The following GALNT2 variants were observed in gnomAD, a reference collection of about 807,000 sequenced individuals.
GALNT2 encodes the protein UDP-GalNAc:polypeptide N-acetylgalactosaminyltransferase 2.
A neutral mutation model predicts 81.4 loss-of-function variants in GALNT2; 31 were observed. That is an observed-to-expected ratio of 0.38 (90% confidence interval 0.29 to 0.51). The LOEUF is 0.51. GALNT2 is among the 20% of genes least tolerant of loss of function. GALNT2 has a pLI of 0.87. For synonymous variants in GALNT2, 303 were observed against 287.4 expected (o/e 1.05, Z -0.55); for missense variants, 629 against 765.7 (o/e 0.82, Z 2.11).
rs1270941733 is a variant in GALNT2, at chr1:230,246,067, G to A, written c.734G>A (p.Arg245Lys). 6.2e-7 allele frequency: 1 copy of A among 1,613,268 alleles called. No individual in the cohort carries two copies. Among genetic ancestry groups the A allele is most frequent in the Non-Finnish European group, 8.5e-7 (1 of 1,179,244 alleles). ...ACTCCTCTCTTTGTATTTTAGGACA[G>A]GACTCGGGTTGTGTCACCCATCATC... ...EPLLERVAED[R>K]TRVVSPIIDV... Residue 245 changes from arginine (R) to lysine (K), a missense_variant, in exon 8 of 16, where the codon AGG becomes AAG. This residue lies in a region of GALNT2 where 360 missense variants were observed against 492.8 expected (regional missense o/e 0.73). Transcript: ENST00000366672.
At chr1:230,258,418 T>C (rs1665781118) in intron 11 of GALNT2, among the ~76,000 whole-genome samples, 1 of 151,236 alleles carries the variant, frequency 6.6e-6, no homozygotes, top group Non-Finnish European at 1.5e-5. Context: ...TAGTAGTACA[T>C]TTCTCCATGT....
intron 2 of GALNT2, among the ~76,000 whole-genome samples, chr1:230,201,381 C>T (rs995691458): frequency 2.0e-5 from 3 of 152,116 alleles, no homozygotes; most frequent in African/African-American, 7.2e-5. Flanking sequence ...GTTCTGACCT[C>T]GCAGGACCAT....
chr1:230,240,584 T>A (rs1480498362), intron 6 of GALNT2, among the ~76,000 whole-genome samples: 1 of 152,106 alleles, frequency 6.6e-6, no homozygotes, highest in Non-Finnish European at 1.5e-5. Context: ...AGGGTGAGAC[T>A]CTGTCTCAGA....
intron 1 of GALNT2, among the ~76,000 whole-genome samples, chr1:230,119,520 G>A (rs1052128705): frequency 1.3e-5 from 2 of 152,184 alleles, no homozygotes; most frequent in African/African-American, 4.8e-5. Flanking sequence ...CTGTGGTGGA[G>A]GCAACCATTG....
At chr1:230,263,728 C>G (rs895769993) in intron 13 of GALNT2, 3 of 152,300 alleles carry the variant, frequency 2.0e-5, no homozygotes, top group Non-Finnish European at 4.4e-5. Context: ...GACTGTCAGG[C>G]AGGTCGTGCC....
intron 2 of GALNT2, among the ~76,000 whole-genome samples, chr1:230,196,799 T>TG: frequency 6.6e-6 from 1 of 152,216 alleles, no homozygotes; most frequent in South Asian, 2.1e-4. Context: ...CTCTGGGTGA[T>TG]GCAGAGAGCA....
intron 14 of GALNT2, chr1:230,268,604 G>A (rs904584034): frequency 2.0e-5 from 3 of 152,300 alleles, no homozygotes; most frequent in African/African-American, 7.2e-5. Flanking sequence ...CATCCCCTGT[G>A]CGTCAGGCTC....
At chr1:230,112,242 G>A (rs1660724709) in intron 1 of GALNT2, among the ~76,000 whole-genome samples, 1 of 152,186 alleles carries the variant, frequency 6.6e-6, no homozygotes, top group South Asian at 2.1e-4. Flanking sequence ...CCTAGCATAG[G>A]CTGAGCCTGC....
intron 1 of GALNT2, among the ~76,000 whole-genome samples, chr1:230,131,202 A>G (rs112014194): frequency 1.3e-5 from 2 of 152,146 alleles, no homozygotes; most frequent in African/African-American, 4.8e-5. Flanking sequence ...CCACCAAATA[A>G]TAAATGCTGT....
chr1:230,111,739 C>T (rs1046623499), intron 1 of GALNT2, among the ~76,000 whole-genome samples: 3 of 152,096 alleles, frequency 2.0e-5, no homozygotes, highest in Admixed American at 6.6e-5. Context: ...CTGGTTCACT[C>T]GGGAAATTTT....
chr1:230,171,222 C>T (rs553205868), intron 1 of GALNT2, among the ~76,000 whole-genome samples: 22 of 152,234 alleles, frequency 1.4e-4, no homozygotes, highest in South Asian at 4.2e-4. Flanking sequence ...TGGTCTTTAG[C>T]GGGAAACTAA....
intron 3 of GALNT2, among the ~76,000 whole-genome samples, chr1:230,206,354 T>G (rs1388452032): frequency 6.6e-6 from 1 of 152,064 alleles, no homozygotes; most frequent in Non-Finnish European, 1.5e-5. Flanking sequence ...TGGGATGCAT[T>G]TTAGGTGGGT....
chr1:230,250,526 C>T lies in GALNT2; in HGVS notation c.975C>T (p.Asp325=). Residue 325 remains aspartate (D), a synonymous_variant, in exon 10 of 16, where the codon GAC becomes GAT. Coordinates refer to ENST00000366672, the MANE Select transcript of GALNT2 (RefSeq NM_004481.5). ...KFYFEELGKY[D]MMMDVWGGEN... ...ATTTTGAAGAACTGGGGAAGTACGA[C>T]ATGATGATGGATGTGTGGGGAGGAG... 6.2e-7 allele frequency: 1 copy of T among 1,613,402 alleles called. No individual in the cohort carries two copies. The highest frequency in any genetic ancestry group is 8.5e-7 in the Non-Finnish European group (1 of 1,179,688).
intron 3 of GALNT2, among the ~76,000 whole-genome samples, chr1:230,234,786 G>C (rs1187912776): frequency 6.6e-6 from 1 of 152,196 alleles, no homozygotes; most frequent in East Asian, 1.9e-4. Flanking sequence ...GTACTAGGAT[G>C]CTCTTAGGTC....
At chr1:230,060,057 T>G (rs1381590444) in intron 1 of GALNT2, among the ~76,000 whole-genome samples, 1 of 152,246 alleles carries the variant, frequency 6.6e-6, no homozygotes, top group Middle Eastern at 3.2e-3. Flanking sequence ...ATTTTTACTT[T>G]CCACTACAGG....
intron 1 of GALNT2, among the ~76,000 whole-genome samples, chr1:230,099,319 G>A (rs1660336149): frequency 6.6e-6 from 1 of 152,122 alleles, no homozygotes; most frequent in South Asian, 2.1e-4. Context: ...CAGAGTTTCC[G>A]AGTCCCGGGA....
intron 14 of GALNT2, among the ~76,000 whole-genome samples, chr1:230,267,261 C>T (rs1666061927): frequency 6.6e-6 from 1 of 152,218 alleles, no homozygotes; most frequent in Non-Finnish European, 1.5e-5. Context: ...TACTATTTTG[C>T]TAGAGAAAGG....
intron 1 of GALNT2, among the ~76,000 whole-genome samples, chr1:230,081,096 C>T (rs1000987995): frequency 6.6e-5 from 10 of 152,186 alleles, no homozygotes; most frequent in Admixed American, 3.3e-4. Context: ...CCTCCAGCCT[C>T]CGCAGACCAT....
intron 3 of GALNT2, among the ~76,000 whole-genome samples, chr1:230,206,552 G>A (rs1407644144): frequency 3.3e-5 from 5 of 152,104 alleles, no homozygotes; most frequent in African/African-American, 9.7e-5. Flanking sequence ...TTGAATGTCA[G>A]GTTAAGAAGA....
Sources: gnomAD v4.1 joint callset for allele counts (sites outside exome capture counted in the v4.1 genomes callset) on GRCh38, gnomAD v4.1.1 for gene constraint, gnomAD v4.1.1 regional missense constraint, MANE v1.5 for transcripts, NCBI Gene and HGNC (gene_info 2026-07-23, HGNC 2026-07-21) for gene names.